SENP7: variants seen among roughly 807,000 people sequenced by gnomAD.
SENP7 encodes SUMO specific peptidase 7.
Under a neutral mutation model 141.2 loss-of-function variants are expected in SENP7, and 64 were observed. The ratio of observed to expected loss-of-function variants is 0.45; its 90% CI spans 0.37 to 0.56. SENP7 has a LOEUF of 0.56. SENP7 is among the 20% of genes least tolerant of loss of function. The pLI, the probability that SENP7 is intolerant of heterozygous loss-of-function variation, is 0.00. For missense variants in SENP7, 1,025 were observed against 1,212.2 expected (o/e 0.85, Z 2.29); for synonymous variants, 382 against 426.4 (o/e 0.90, Z 1.28).
intron 11 of SENP7, chr3:101,358,341 A>G: frequency 1.4e-6 from 1 of 698,620 alleles, no homozygotes; most frequent in Non-Finnish European, 2.3e-6. Context: ...CAGGAAACCT[A>G]CAGAGTCAAT....
At chr3:101,364,326 G>A (rs2059980845) in intron 10 of SENP7, among the ~76,000 whole-genome samples, 3 of 152,258 alleles carry the variant, frequency 2.0e-5, no homozygotes, top group East Asian at 1.9e-4. Context: ...TTAATCGACT[G>A]ATATTAAACT....
chr3:101,427,415 G>A (rs774009636), intron 4 of SENP7, among the ~76,000 whole-genome samples: 8 of 151,128 alleles, frequency 5.3e-5, no homozygotes, highest in African/African-American at 1.2e-4. Context: ...GCTTAAACCC[G>A]GGAGGTGGCG....
At chr3:101,343,052 T>A (rs2059368584) in intron 14 of SENP7, among the ~76,000 whole-genome samples, 1 of 152,192 alleles carries the variant, frequency 6.6e-6, no homozygotes, top group Non-Finnish European at 1.5e-5. Context: ...AGATTACATA[T>A]TACTGGAAAG....
At chr3:101,444,886 G>C (rs969284823) in intron 4 of SENP7, among the ~76,000 whole-genome samples, 1 of 150,764 alleles carries the variant, frequency 6.6e-6, no homozygotes, top group Non-Finnish European at 1.5e-5. Flanking sequence ...AAAACTTAAA[G>C]TATAATAATA....
At chr3:101,345,915 G>A (rs575133480) in intron 13 of SENP7, among the ~76,000 whole-genome samples, 1 of 152,214 alleles carries the variant, frequency 6.6e-6, no homozygotes, top group South Asian at 2.1e-4. Context: ...ACAATAAATA[G>A]GTGGGACTTA....
At chr3:101,477,973 T>C (rs1433700704) in intron 3 of SENP7, among the ~76,000 whole-genome samples, 8 of 151,430 alleles carry the variant, frequency 5.3e-5, no homozygotes, top group Non-Finnish European at 1.0e-4. Flanking sequence ...TTAAAGATAA[T>C]CTTGATAAAC....
chr3:101,468,201 G>A (rs936233101), intron 3 of SENP7, among the ~76,000 whole-genome samples: 3 of 152,150 alleles, frequency 2.0e-5, no homozygotes, highest in Non-Finnish European at 4.4e-5. Context: ...AGAAATATGG[G>A]ACTATGTGAA....
At chr3:101,365,178 T>G (rs934337608) in intron 9 of SENP7, among the ~76,000 whole-genome samples, 187 bp from the exon 10 acceptor site, 3 of 151,844 alleles carry the variant, frequency 2.0e-5, no homozygotes, top group African/African-American at 7.2e-5. Context: ...AATTTTTGTA[T>G]TTTTAGTAGA....
rs576442546 is a variant in SENP7 at position 101,383,940 on chromosome 3, T to C, written c.678-11814A>G. 2.0e-5 allele frequency among the ~76,000 whole-genome samples: 3 copies of C among 152,274 alleles called. No individual in the cohort carries two copies. The South Asian group carries it at 6.2e-4, about 32-fold the overall frequency. ...AGTTCCGTGGACCAGAGTGACAACT[T>C]ATGGTGCTTTCTCCAGGCTGAGCCA... On this transcript the variant is annotated intron_variant, in intron 6 of 23. Transcript: ENST00000394095.
intron 3 of SENP7, among the ~76,000 whole-genome samples, chr3:101,463,396 T>TACATATATATATATATATATATAC (rs2063645997): frequency 3.6e-5 from 3 of 82,854 alleles, no homozygotes; most frequent in Admixed American, 1.2e-4. Context: ...TATATATATA[T>TACATATATATATATATATATATAC]ACATATATAT....
At chr3:101,509,141 T>A (rs1264278216) in intron 1 of SENP7, among the ~76,000 whole-genome samples, 1 of 152,024 alleles carries the variant, frequency 6.6e-6, no homozygotes, top group African/African-American at 2.4e-5. Context: ...AATCTTTCCC[T>A]CTCCACCCCT....
intron 19 of SENP7, among the ~76,000 whole-genome samples, chr3:101,331,191 ATGT>A (rs1423880899): frequency 6.6e-6 from 1 of 152,152 alleles, no homozygotes; most frequent in East Asian, 1.9e-4. Context: ...TCAAAATATC[ATGT>A]TGTAGCCAGG....
intron 3 of SENP7, among the ~76,000 whole-genome samples, chr3:101,492,976 G>A (rs2065022096): frequency 6.6e-6 from 1 of 152,160 alleles, no homozygotes; most frequent in South Asian, 2.1e-4. Flanking sequence ...GAGCAACACA[G>A]ACCCTGACTC....
At chr3:101,443,905 C>A (rs1299489318) in intron 4 of SENP7, among the ~76,000 whole-genome samples, 1 of 151,430 alleles carries the variant, frequency 6.6e-6, no homozygotes, top group African/African-American at 2.4e-5. Context: ...AGCAATTTGA[C>A]TAAAAAGCTT....
intron 23 of SENP7, among the ~76,000 whole-genome samples, chr3:101,326,937 C>T (rs2058916356): frequency 6.6e-6 from 1 of 151,926 alleles, no homozygotes; most frequent in South Asian, 2.1e-4. Flanking sequence ...CTAATCCTAT[C>T]TTCTACTGTA....
chr3:101,452,445 T>C (rs1317051335), intron 4 of SENP7, among the ~76,000 whole-genome samples: 7 of 152,158 alleles, frequency 4.6e-5, no homozygotes, highest in South Asian at 2.1e-4. Flanking sequence ...GGAGGCATCA[T>C]GCTACCTGAC....
At chr3:101,368,595 G>C (rs2060100437) in intron 7 of SENP7, among the ~76,000 whole-genome samples, 1 of 115,952 alleles carries the variant, frequency 8.6e-6, no homozygotes, top group African/African-American at 3.2e-5. Flanking sequence ...GGTGGGGGGA[G>C]GGGGGAGGGA....
chr3:101,336,224 C>T (rs990751060), intron 17 of SENP7, among the ~76,000 whole-genome samples: 2 of 152,108 alleles, frequency 1.3e-5, no homozygotes, highest in African/African-American at 2.4e-5. Flanking sequence ...TTATGTTCAC[C>T]GTCTTAGTTC....
rs371040093 is a variant in SENP7, at chr3:101,444,575, C to A, written c.284+14380G>T. ...TACTATGCAGCCATAAAAAATGATG[C>A]GTTCATGTCCTTTGTAGGGACATGG... is the stretch of plus-strand genomic sequence containing the variant. On this transcript the variant is annotated intron_variant, in intron 4 of 23. Transcript: ENST00000394095. Among the ~76,000 whole-genome samples the A allele has an allele frequency of 6.9e-4, 105 of 151,796 alleles. 1 individual carries two copies. Among genetic ancestry groups the A allele is most frequent in the African/African-American group, 1.2e-3 (50 of 41,266 alleles).
Sources: gnomAD v4.1 joint callset for allele counts (sites outside exome capture counted in the v4.1 genomes callset) on GRCh38, gnomAD v4.1.1 for gene constraint, MANE v1.5 for transcripts, NCBI Gene and HGNC (gene_info 2026-07-23, HGNC 2026-07-21) for gene names.